KIAA0319: variants seen among roughly 807,000 people sequenced by gnomAD.
KIAA0319 encodes the protein KIAA0319.
Under a neutral mutation model 108.4 loss-of-function variants are expected in KIAA0319, and 83 were observed. The ratio of observed to expected loss-of-function variants is 0.77; its 90% CI spans 0.64 to 0.92. The LOEUF (loss-of-function observed/expected upper bound fraction) is 0.92, where lower values mean the gene tolerates loss of function less well. KIAA0319 is among the 40% of genes least tolerant of loss of function. The probability of loss-of-function intolerance (pLI) is 0.00; values close to 1 mark genes in which losing one functional copy is unlikely to be tolerated. For synonymous variants in KIAA0319, 484 were observed against 510.4 expected (o/e 0.95, Z 0.70); for missense variants, 1,195 against 1,322.4 (o/e 0.90, Z 1.49).
chr6:24,595,696 T>C (rs1187896232), intron 3 of KIAA0319, among the ~76,000 whole-genome samples, 177 bp downstream of exon 3: 1 of 152,096 alleles, frequency 6.6e-6, no homozygotes, highest in African/African-American at 2.4e-5. Flanking sequence ...TTCTGCTTCC[T>C]AGAAATCTCT....
chr6:24,580,700 T>C (rs1236772024), intron 7 of KIAA0319, among the ~76,000 whole-genome samples: 1 of 151,962 alleles, frequency 6.6e-6, no homozygotes, highest in Non-Finnish European at 1.5e-5. Context: ...TTGCCACCAT[T>C]CGAGAGCAGC....
At chr6:24,598,912 C>G in intron 2 of KIAA0319, 1 of 433,914 alleles carries the variant, frequency 2.3e-6, no homozygotes, top group South Asian at 3.0e-5. Context: ...ATAATTTTAG[C>G]GATGGAGAAT....
chr6:24,544,836 G>GACATCAGACAAA lies in KIAA0319; in HGVS notation c.*2328_*2329insTTTGTCTGATGT, dbSNP rs1760440703. 1 of 152,110 alleles carries GACATCAGACAAA rather than the reference G, an allele frequency of 6.6e-6. No homozygotes were observed. Among genetic ancestry groups the GACATCAGACAAA allele is most frequent in the Non-Finnish European group, 1.5e-5 (1 of 68,044 alleles). 9.4% of individuals were successfully genotyped at this position (152,110 alleles called of 1,614,324 possible). A position where few individuals can be genotyped will look rare whatever the true frequency, so the allele number is the denominator to read the frequency against. On this transcript the variant is annotated 3_prime_UTR_variant, in exon 21 of 21. Transcript: ENST00000378214. ...CGTGCTTTGTTCTGATGAGAAATGG[G>GACATCAGACAAA]GTGACAAGACAGGACTCACTTTCTG... is the stretch of plus-strand genomic sequence containing the variant.
intron 1 of KIAA0319, among the ~76,000 whole-genome samples, chr6:24,634,121 T>C (rs1775911618): frequency 6.6e-6 from 1 of 152,198 alleles, no homozygotes; most frequent in Non-Finnish European, 1.5e-5. Context: ...ATTCTCCAAA[T>C]AGCATTTATT....
intron 16 of KIAA0319, 151 bp from the exon 17 acceptor site, chr6:24,559,306 G>A (rs1228601442): frequency 2.7e-6 from 2 of 737,664 alleles, no homozygotes; most frequent in Admixed American, 6.6e-5. Flanking sequence ...GTGAGCCAAG[G>A]AATTGATGTT....
intron 1 of KIAA0319, among the ~76,000 whole-genome samples, chr6:24,617,724 T>C (rs1388629776): frequency 2.6e-5 from 4 of 152,294 alleles, no homozygotes; most frequent in Admixed American, 1.3e-4. Context: ...TGGTGGCTCA[T>C]GCCTATAATC....
In KIAA0319 at chr6:24,562,825, C is replaced by T. The variant is rs138424072; in HGVS notation, c.2591+534G>A. Among the ~76,000 whole-genome samples the T allele has an allele frequency of 2.2e-3, 334 of 151,884 alleles. 2 individuals are homozygous for T. The highest frequency in any genetic ancestry group is 7.6e-3 in the African/African-American group (315 of 41,424). ...CTGCACTTTAGCCTAGGCAACAGAG[C>T]GAGACCCTGTCTCAAAAAATAAAAA... On this transcript the variant is annotated intron_variant, in intron 16 of 20. Transcript: ENST00000378214.
chr6:24,598,137 C>A, intron 2 of KIAA0319: 2 of 432,080 alleles, frequency 4.6e-6, no homozygotes, highest in East Asian at 5.6e-5. Flanking sequence ...CTCGAGTGGG[C>A]AGCAGCAGCA....
intron 1 of KIAA0319, among the ~76,000 whole-genome samples, chr6:24,644,058 A>T (rs1034216239): frequency 5.9e-5 from 9 of 152,240 alleles, no homozygotes; most frequent in Non-Finnish European, 2.9e-5. Flanking sequence ...GTGACAAAAA[A>T]ATTCCTGGCC....
At position 24,619,937 on chromosome 6, in the gene KIAA0319, G is replaced by A. The variant is rs535471566; in HGVS notation, c.-105-18729C>T. On this transcript the variant is annotated intron_variant, in intron 1 of 20. Transcript: ENST00000378214. ...AGTTCCAGCCTGACTAAAAAGTGCC[G>A]ACCATCTGAAATGACAATCACATGG... 2.3e-3 allele frequency among the ~76,000 whole-genome samples: 345 copies of A among 152,234 alleles called. 2 individuals carry two copies. Among genetic ancestry groups the A allele is most frequent in the Non-Finnish European group, 2.6e-3 (174 of 68,014 alleles).
chr6:24,548,034 G>A (rs1760884356), intron 20 of KIAA0319, among the ~76,000 whole-genome samples: 3 of 151,794 alleles, frequency 2.0e-5, no homozygotes, highest in South Asian at 4.1e-4. Flanking sequence ...CCCTGTCTCG[G>A]GAAAAAAAAC....
chr6:24,579,468 TATATATCTTATATATCTC>T lies in KIAA0319; in HGVS notation c.1372+372_1372+389del, dbSNP rs1371096768. On this transcript the variant is annotated intron_variant, in intron 8 of 20. Transcript: ENST00000378214. ...TCATATATATCTTATATATCTCATA[TATATATCTTATATATCTC>T]ATATATCTTATATATCTCATATATA... 6.9e-4 allele frequency among the ~76,000 whole-genome samples: 101 copies of T among 146,252 alleles called. 1 individual carries two copies. The highest frequency in any genetic ancestry group is 1.6e-3 in the African/African-American group (62 of 39,752).
chr6:24,561,312 C>A (rs1475898330), intron 16 of KIAA0319, among the ~76,000 whole-genome samples: 1 of 152,202 alleles, frequency 6.6e-6, no homozygotes, highest in African/African-American at 2.4e-5. Context: ...TTGTGAAGGA[C>A]TGTTCATTCT....
chr6:24,630,681 G>GTATATA lies in KIAA0319; in HGVS notation c.-106+15054_-106+15055insTATATA, dbSNP rs781623420. 1.4e-3 allele frequency among the ~76,000 whole-genome samples: 71 copies of GTATATA among 51,992 alleles called. 3 individuals are homozygous for GTATATA. Among genetic ancestry groups the GTATATA allele is most frequent in the South Asian group, 9.7e-3 (25 of 2,574 alleles). The allele number at this position is 51,992 out of a possible 152,430, so 34.1% of individuals were successfully genotyped here. ...TCCATTTATTCAATTGTGTGTATATGTGTATATATATATATATATATACAC... is the reference window on the plus strand; with the variant it reads ...TCCATTTATTCAATTGTGTGTATATGTATATATGTATATATATATATATATATACAC... On this transcript the variant is annotated intron_variant, in intron 1 of 20. Transcript: ENST00000378214.
rs548809101 is a variant in KIAA0319, at chr6:24,614,630, A to G, written c.-105-13422T>C. On this transcript the variant is annotated intron_variant, in intron 1 of 20. Coordinates refer to ENST00000378214, the MANE Select transcript of KIAA0319 (RefSeq NM_014809.4). Reference sequence around the variant, plus strand: ...GAAGCTCAGAAAGGCTAAGGTATCCAAGAATTAGATCCAATCTGGGTATGT... The same window carrying G: ...GAAGCTCAGAAAGGCTAAGGTATCCGAGAATTAGATCCAATCTGGGTATGT... Among the ~76,000 whole-genome samples the G allele has an allele frequency of 7.2e-5, 11 of 152,288 alleles. No individual in the cohort carries two copies. In the South Asian group the frequency reaches 2.1e-3, roughly 29 times the overall value.
intron 1 of KIAA0319, among the ~76,000 whole-genome samples, chr6:24,605,134 C>T (rs1398871379): frequency 1.3e-5 from 2 of 152,236 alleles, no homozygotes; most frequent in African/African-American, 2.4e-5. Flanking sequence ...AGCCACCATG[C>T]CCGGCCAAGT....
At chr6:24,645,007 C>T (rs1012425231) in intron 1 of KIAA0319, among the ~76,000 whole-genome samples, 1 of 152,072 alleles carries the variant, frequency 6.6e-6, no homozygotes, top group African/African-American at 2.4e-5. Flanking sequence ...TTGTGGTCTT[C>T]TTATAATAAA....
At chr6:24,561,705 G>C (rs1416371875) in intron 16 of KIAA0319, among the ~76,000 whole-genome samples, 1 of 151,014 alleles carries the variant, frequency 6.6e-6, no homozygotes, top group Non-Finnish European at 1.5e-5. Context: ...ACCATGCCTG[G>C]CTAATTTTTT....
chr6:24,624,886 T>C (rs1192101054), intron 1 of KIAA0319, among the ~76,000 whole-genome samples: 1 of 152,214 alleles, frequency 6.6e-6, no homozygotes, highest in Non-Finnish European at 1.5e-5. Context: ...TCCTGTCCTA[T>C]TCAAGATTTC....
Sources: allele counts gnomAD v4.1 joint callset (sites outside exome capture counted in the v4.1 genomes callset), GRCh38; gene constraint gnomAD v4.1.1; transcripts MANE v1.5; gene names NCBI Gene and HGNC (gene_info 2026-07-23, HGNC 2026-07-21).